Variants in CFAP58 observed in about 807,000 individuals in gnomAD.
CFAP58 encodes cilia- and flagella-associated protein 58.
CFAP58 carries 88 observed loss-of-function variants against 119.5 expected under a neutral mutation model. The observed-to-expected ratio is 0.74, with a 90% confidence interval of 0.62 to 0.88. CFAP58 has a LOEUF of 0.88. CFAP58 is among the 40% of genes least tolerant of loss of function. CFAP58 has a pLI of 0.00. For synonymous variants in CFAP58, 365 were observed against 366.3 expected (o/e 1.00, Z 0.04); for missense variants, 990 against 1,021.2 (o/e 0.97, Z 0.42).
chr10:104,434,242 G>A (rs2012895205), intron 15 of CFAP58, among the ~76,000 whole-genome samples: 1 of 152,148 alleles, frequency 6.6e-6, no homozygotes, highest in Non-Finnish European at 1.5e-5. Flanking sequence ...ATGGGTAACT[G>A]GATTCCTTCT....
At chr10:104,417,039 A>G (rs2012565541) in intron 15 of CFAP58, among the ~76,000 whole-genome samples, 1 of 152,160 alleles carries the variant, frequency 6.6e-6, no homozygotes, top group African/African-American at 2.4e-5. Flanking sequence ...GGATCCCTGG[A>G]CCCCCTGAGG....
chr10:104,430,193 G>A (rs1276777840), intron 15 of CFAP58, among the ~76,000 whole-genome samples: 2 of 152,220 alleles, frequency 1.3e-5, no homozygotes, highest in Non-Finnish European at 2.9e-5. Flanking sequence ...TTAGCCTGAA[G>A]TTACTTGTTG....
intron 15 of CFAP58, among the ~76,000 whole-genome samples, chr10:104,428,324 A>G (rs1234743568): frequency 2.0e-5 from 3 of 152,160 alleles, no homozygotes; most frequent in Non-Finnish European, 4.4e-5. Flanking sequence ...CTGGCAGCCA[A>G]GGGCCCCAAA....
chr10:104,365,876 A>G lies in CFAP58; in HGVS notation c.660A>G (p.Lys220=), dbSNP rs1242122049. The change falls in exon 5 of 18, where the codon AAA becomes AAG. Residue 220 remains lysine (K), a synonymous_variant. Coordinates refer to ENST00000369704, the MANE Select transcript of CFAP58 (RefSeq NM_001008723.2). ...EASREFRKKE[K]LEKELKQIQA... ...CCCGGGAGTTCCGGAAGAAGGAAAA[A>G]CTAGAGAAAGAGCTCAAGCAGATTC... 10 of 1,613,202 alleles carry G rather than the reference A, an allele frequency of 6.2e-6. No individual in the cohort carries two copies. The highest frequency in any genetic ancestry group is 8.5e-6 in the Non-Finnish European group (10 of 1,179,712).
intron 12 of CFAP58, among the ~76,000 whole-genome samples, chr10:104,400,053 A>G (rs532068527): frequency 6.6e-6 from 1 of 152,326 alleles, no homozygotes; most frequent in Admixed American, 6.5e-5. Flanking sequence ...CTAGCCCACC[A>G]TGAAGTCATT....
At chr10:104,348,812 C>T in the CFAP58 span, among the ~76,000 whole-genome samples, 1 of 152,206 alleles carries the variant, frequency 6.6e-6, no homozygotes, top group Non-Finnish European at 1.5e-5. Context: ...TTTAAGATGT[C>T]ATGGTTCACT....
At chr10:104,439,500 T>C (rs2012998902) in intron 15 of CFAP58, among the ~76,000 whole-genome samples, 1 of 152,224 alleles carries the variant, frequency 6.6e-6, no homozygotes, top group African/African-American at 2.4e-5. Context: ...AAAAAACTTA[T>C]GAGTATTAGA....
In CFAP58 at chr10:104,353,873, G is replaced by C. The variant is rs750626097; in HGVS notation, c.-25G>C. 2 of 1,611,796 alleles carry C rather than the reference G, an allele frequency of 1.2e-6. No individual in the cohort carries two copies. The highest frequency in any genetic ancestry group is 3.3e-5 in the Admixed American group (2 of 59,942). ...TCCTGCGATCTCCACAGCAGCCTCTGAGGCCGCCCCCAGAGAGCATCAGGA... is the reference window on the plus strand; with the variant it reads ...TCCTGCGATCTCCACAGCAGCCTCTCAGGCCGCCCCCAGAGAGCATCAGGA... On this transcript the variant is annotated 5_prime_UTR_variant, in exon 1 of 18. Transcript: ENST00000369704.
chr10:104,393,506 A>T (rs774339371), intron 11 of CFAP58, 31 bp downstream of exon 11: 7 of 1,588,744 alleles, frequency 4.4e-6, no homozygotes, highest in South Asian at 3.4e-5. Context: ...GCAAAGTACC[A>T]ACAGTTCATC....
intron 9 of CFAP58, among the ~76,000 whole-genome samples, chr10:104,381,065 G>A (rs930432858): frequency 6.6e-6 from 1 of 152,140 alleles, no homozygotes; most frequent in Non-Finnish European, 1.5e-5. Context: ...TAGGAGGAAC[G>A]CTTGAGCCCG....
intron 1 of CFAP58, among the ~76,000 whole-genome samples, chr10:104,357,838 C>A (rs1281239027): frequency 1.4e-5 from 1 of 71,934 alleles, no homozygotes; most frequent in Non-Finnish European, 3.0e-5. Flanking sequence ...CATATATGTA[C>A]ACATATGTAC....
At chr10:104,375,130 A>G (rs147190459) in intron 7 of CFAP58, among the ~76,000 whole-genome samples, 4 of 151,404 alleles carry the variant, frequency 2.6e-5, no homozygotes, top group African/African-American at 9.6e-5. Context: ...TAAAAATTAA[A>G]AGTAAAAATT....
chr10:104,351,345 C>G (rs2014457171), upstream of CFAP58, among the ~76,000 whole-genome samples: 1 of 152,196 alleles, frequency 6.6e-6, no homozygotes, highest in African/African-American at 2.4e-5. Context: ...ACACAGTTCT[C>G]ATAAACTTGA....
chr10:104,370,919 AT>A lies in CFAP58; in HGVS notation c.956del (p.Met319SerfsTer36), dbSNP rs1328629877. 1 of 1,612,906 alleles carries A rather than the reference AT, an allele frequency of 6.2e-7. No homozygotes were observed. Among genetic ancestry groups the A allele is most frequent in the Non-Finnish European group, 8.5e-7 (1 of 1,179,738 alleles). ...LKAKEEEVHQ[M>X]RLDIGKLNKI... is the part of the protein sequence containing the mutation. The stretch of plus-strand genomic sequence containing the variant: ...GGCCAAAGAGGAAGAAGTCCATCAA[AT>A]GCGCCTTGACATCGGGAAGCTCAAC... On this transcript the variant is annotated frameshift_variant, in exon 7 of 18. Coordinates refer to ENST00000369704, the MANE Select transcript of CFAP58 (RefSeq NM_001008723.2). LOFTEE classifies it high-confidence loss of function.
At chr10:104,448,020 A>G (rs529188789) in intron 16 of CFAP58, among the ~76,000 whole-genome samples, 1 of 152,344 alleles carries the variant, frequency 6.6e-6, no homozygotes, top group African/African-American at 2.4e-5. Flanking sequence ...AGACAGCACC[A>G]TTCTCCATTT....
chr10:104,400,417 G>C (rs1247079842), intron 12 of CFAP58, among the ~76,000 whole-genome samples: 4 of 152,102 alleles, frequency 2.6e-5, no homozygotes, highest in Non-Finnish European at 5.9e-5. Flanking sequence ...AAAGTGCTGG[G>C]ATTACATGCA....
intron 15 of CFAP58, among the ~76,000 whole-genome samples, chr10:104,421,610 C>T (rs1402742541): frequency 6.6e-6 from 1 of 152,186 alleles, no homozygotes; most frequent in Non-Finnish European, 1.5e-5. Flanking sequence ...GCTCAATAGA[C>T]TAAAGAAGGC....
chr10:104,392,239 A>G lies in CFAP58; in HGVS notation c.1372A>G (p.Met458Val). Reference sequence around the variant, plus strand: ...ATATGTCTTTCTCCTCCAGGTCCTTATGAACATGGAAGACATAAAAGTTCG... The same window carrying G: ...ATATGTCTTTCTCCTCCAGGTCCTTGTGAACATGGAAGACATAAAAGTTCG... ...QASDLTQKVL[M>V]NMEDIKVRET... Residue 458 changes from methionine to valine, a missense_variant, in exon 10 of 18, where the codon ATG (methionine) becomes GTG (valine). By Grantham distance (21) the Met-to-Val change is conservative. Coordinates refer to ENST00000369704, the MANE Select transcript of CFAP58 (RefSeq NM_001008723.2). 1 of 1,611,122 alleles carries G rather than the reference A, an allele frequency of 6.2e-7. No homozygotes were observed. The highest frequency in any genetic ancestry group is 8.5e-7 in the Non-Finnish European group (1 of 1,179,070).
At position 104,392,357 on chromosome 10, in the gene CFAP58, A is replaced by G; in HGVS notation, c.1490A>G (p.Asp497Gly). The change falls in exon 10 of 18, where the codon GAC (aspartate) becomes GGC (glycine). Residue 497 changes from aspartate (D) to glycine (G), a missense_variant. Asp to Gly is a moderately conservative substitution (Grantham distance 94). Transcript: ENST00000369704. ...QQNLYEAVRS[D>G]RNLYSKNLVE... Reference sequence around the variant, plus strand: ...AACCTATATGAAGCTGTGAGATCAGACAGAAATCTGTATAGCAAAAATCTG... The same window carrying G: ...AACCTATATGAAGCTGTGAGATCAGGCAGAAATCTGTATAGCAAAAATCTG... 3.1e-6 allele frequency: 5 copies of G among 1,606,522 alleles called. No individual in the cohort carries two copies. Among genetic ancestry groups the G allele is most frequent in the South Asian group, 2.2e-5 (2 of 89,306 alleles).
Sources: allele counts gnomAD v4.1 joint callset (sites outside exome capture counted in the v4.1 genomes callset), GRCh38; gene constraint gnomAD v4.1.1; transcripts MANE v1.5; gene names NCBI Gene and HGNC (gene_info 2026-07-23, HGNC 2026-07-21).